The following ASPH variants were observed in gnomAD, a reference collection of about 807,000 sequenced individuals.
ASPH encodes the protein aspartyl/asparaginyl beta-hydroxylase.
A neutral mutation model predicts 118.4 loss-of-function variants in ASPH; 100 were observed. The observed-to-expected ratio is 0.84, with a 90% CI of 0.72 to 1.00. The LOEUF (loss-of-function observed/expected upper bound fraction) is 1.00, where lower values mean the gene tolerates loss of function less well. ASPH is among the 50% of genes least tolerant of loss of function. The probability of loss-of-function intolerance (pLI) is 0.00; values close to 1 mark genes in which losing one functional copy is unlikely to be tolerated. For synonymous variants in ASPH, 315 were observed against 325.6 expected, an observed-to-expected ratio of 0.97 and a Z score of 0.35; for missense variants, 920 against 919.5, an observed-to-expected ratio of 1.00 and a Z score of -0.01.
At chr8:61,705,683 G>C (rs955120540) in intron 1 of ASPH, among the ~76,000 whole-genome samples, 14 of 152,034 alleles carry the variant, frequency 9.2e-5, no homozygotes, top group Non-Finnish European at 8.8e-5. Context: ...ATCCTAATAG[G>C]TTATTGTTTT....
At position 61,626,369 on chromosome 8, in the gene ASPH, C is replaced by A. The variant is rs146461925; in HGVS notation, c.934+7314G>T. 409 of 1,332,500 alleles carry A rather than the reference C, an allele frequency of 3.1e-4. 3 individuals are homozygous for A. The East Asian group carries it at 0.01, about 33-fold the overall frequency. The allele number at this position is 1,332,500 out of a possible 1,614,324, so 82.5% of individuals were successfully genotyped here. A position where few individuals can be genotyped will look rare whatever the true frequency, so the allele number is the denominator to read the frequency against. ...ATTTTCATTCTACTTTTTAAAAAAC[C>A]CACCAACAAAGTAATTTTTTTTTTT... On this transcript the variant is annotated intron_variant, in intron 13 of 24. Coordinates refer to ENST00000379454, the MANE Select transcript of ASPH (RefSeq NM_004318.4).
chr8:61,624,937 A>T, intron 13 of ASPH: 1 of 985,198 alleles, frequency 1.0e-6, no homozygotes, highest in Non-Finnish European at 1.2e-6. Context: ...GTTTCATTAC[A>T]CATCGAGTAC....
At chr8:61,631,287 C>T (rs1465026193) in intron 13 of ASPH, among the ~76,000 whole-genome samples, 4 of 152,254 alleles carry the variant, frequency 2.6e-5, no homozygotes, top group East Asian at 3.9e-4. Flanking sequence ...ATGTCCTAGG[C>T]TTTCACATTC....
intron 4 of ASPH, among the ~76,000 whole-genome samples, chr8:61,651,588 G>T (rs780327458): frequency 1.3e-5 from 2 of 152,192 alleles, no homozygotes; most frequent in Non-Finnish European, 2.9e-5. Context: ...AGAGGAGAAA[G>T]GGCACTCCTG....
chr8:61,566,326 C>A (rs1831664962), intron 17 of ASPH, among the ~76,000 whole-genome samples: 1 of 152,118 alleles, frequency 6.6e-6, no homozygotes, highest in Admixed American at 6.5e-5. Context: ...AGAAGTGGAT[C>A]CTAAAGATGT....
At chr8:61,603,835 A>T (rs1229258104) in intron 14 of ASPH, among the ~76,000 whole-genome samples, 1 of 152,250 alleles carries the variant, frequency 6.6e-6, no homozygotes, top group Non-Finnish European at 1.5e-5. Context: ...GAAGCAAAGG[A>T]TTACCACTAA....
rs556206554 is a variant in ASPH at position 61,664,055 on chromosome 8, A to C, written c.323-10395T>G. ...TGTTGTTAATAAGGTTAACATTAAG[A>C]GAATCAAAAATGCTACCACAGAGAT... On this transcript the variant is annotated intron_variant, in intron 3 of 24. Transcript: ENST00000379454. 5.2e-6 allele frequency: 5 copies of C among 966,660 alleles called. No individual in the cohort carries two copies. The Admixed American group carries it at 2.5e-4, about 48-fold the overall frequency. 59.9% of individuals were successfully genotyped at this position (966,660 alleles called of 1,614,324 possible).
At chr8:61,533,999 G>A (rs934956727) in intron 21 of ASPH, among the ~76,000 whole-genome samples, 2 of 152,190 alleles carry the variant, frequency 1.3e-5, no homozygotes, top group African/African-American at 4.8e-5. Context: ...CCAGGCTAGA[G>A]TACAATGGCG....
At chr8:61,571,378 T>C (rs1292218054) in intron 16 of ASPH, among the ~76,000 whole-genome samples, 1 of 152,142 alleles carries the variant, frequency 6.6e-6, no homozygotes, top group African/African-American at 2.4e-5. Flanking sequence ...CGCACTGCAA[T>C]ACCTCAGTCT....
At chr8:61,513,782 C>G (rs1017455855) in intron 24 of ASPH, among the ~76,000 whole-genome samples, 1 of 152,154 alleles carries the variant, frequency 6.6e-6, no homozygotes, top group African/African-American at 2.4e-5. Context: ...TCAAGACCCC[C>G]CTCTGAGTAG....
chr8:61,664,340 G>T lies in ASPH; in HGVS notation c.323-10680C>A, dbSNP rs934679898. 3.1e-6 allele frequency: 3 copies of T among 972,462 alleles called. No individual in the cohort carries two copies. In the African/African-American group the frequency reaches 5.3e-5, roughly 17 times the overall value. 60.2% of individuals were successfully genotyped at this position (972,462 alleles called of 1,614,324 possible). On this transcript the variant is annotated intron_variant, in intron 3 of 24. Transcript: ENST00000379454. ...AACCAAAATAATGGAAAAAAAGTGTGATATAAAATGAAAGTACATTCTAAT... is the reference window on the plus strand; with the variant it reads ...AACCAAAATAATGGAAAAAAAGTGTTATATAAAATGAAAGTACATTCTAAT...
chr8:61,672,058 A>G (rs1488354042), intron 3 of ASPH, among the ~76,000 whole-genome samples: 1 of 152,254 alleles, frequency 6.6e-6, no homozygotes, highest in Non-Finnish European at 1.5e-5. Flanking sequence ...ATACTGGAAC[A>G]TCGTAATCAT....
Position 61,539,699 on chromosome 8 carries a change from G to GGTGTGTGT in ASPH, c.1764+8364_1764+8371dup, listed in dbSNP as rs10522481. Among the ~76,000 whole-genome samples the GGTGTGTGT allele has an allele frequency of 9.6e-3, 1,193 of 124,262 alleles. 18 individuals carry two copies. The highest frequency in any genetic ancestry group is 0.017 in the Middle Eastern group (4 of 232). 81.5% of individuals were successfully genotyped at this position (124,262 alleles called of 152,430 possible). ...TGTGATGGTCACCTAACACTTCTGG[G>GGTGTGTGT]GTGTGTGTGTGTGTGTGTGTGTGTG... On this transcript the variant is annotated intron_variant, in intron 21 of 24. Coordinates refer to ENST00000379454, the MANE Select transcript of ASPH (RefSeq NM_004318.4).
intron 1 of ASPH, among the ~76,000 whole-genome samples, chr8:61,686,166 T>C (rs1383611326): frequency 1.3e-5 from 2 of 152,218 alleles, no homozygotes; most frequent in African/African-American, 4.8e-5. Flanking sequence ...CAAATGGCCA[T>C]CAACTTTGTT....
intron 21 of ASPH, among the ~76,000 whole-genome samples, chr8:61,538,584 A>T (rs1368445178): frequency 2.0e-5 from 3 of 152,226 alleles, no homozygotes; most frequent in Non-Finnish European, 4.4e-5. Context: ...TGAACCACTA[A>T]TTTAGTGCTG....
At chr8:61,563,290 C>T (rs547247449) in intron 17 of ASPH, among the ~76,000 whole-genome samples, 1 of 152,206 alleles carries the variant, frequency 6.6e-6, no homozygotes, top group South Asian at 2.1e-4. Context: ...GGGTCTAGCA[C>T]CCTGTATGCA....
intron 21 of ASPH, among the ~76,000 whole-genome samples, chr8:61,533,132 G>T (rs1818214951): frequency 6.7e-6 from 1 of 149,612 alleles, no homozygotes. Context: ...ATTCTCCCTG[G>T]AACTCTTTTT....
intron 21 of ASPH, among the ~76,000 whole-genome samples, chr8:61,532,936 G>C (rs1295757967): frequency 2.0e-5 from 3 of 152,146 alleles, no homozygotes; most frequent in Non-Finnish European, 4.4e-5. Context: ...TAGCTATGAT[G>C]ATGATGAGGA....
chr8:61,693,308 C>T (rs1833110867), intron 1 of ASPH, among the ~76,000 whole-genome samples: 2 of 152,180 alleles, frequency 1.3e-5, no homozygotes, highest in Admixed American at 6.5e-5. Flanking sequence ...CTCTTCACAC[C>T]TTGTTTCTTG....
Sources: gnomAD v4.1 joint callset for allele counts (sites outside exome capture counted in the v4.1 genomes callset) on GRCh38, gnomAD v4.1.1 for gene constraint, MANE v1.5 for transcripts, NCBI Gene and HGNC (gene_info 2026-07-23, HGNC 2026-07-21) for gene names.